Variants in DLGAP2 observed in about 807,000 individuals in gnomAD.
DLGAP2 encodes the protein disks large-associated protein 2.
In DLGAP2, 26 loss-of-function variants were observed where a neutral mutation model predicts 100.3. The observed-to-expected ratio is 0.26, with a 90% CI of 0.19 to 0.36. The LOEUF (loss-of-function observed/expected upper bound fraction) is 0.36, where lower values mean the gene tolerates loss of function less well. Ranked by LOEUF, DLGAP2 falls within the 10% of genes least tolerant of loss-of-function variation. The pLI, the probability that DLGAP2 is intolerant of heterozygous loss-of-function variation, is 1.00. For missense variants in DLGAP2, 1,858 were observed against 1,453.2 expected (o/e 1.28, Z -4.53); for synonymous variants, 886 against 630.1 (o/e 1.41, Z -6.08).
intron 6 of DLGAP2, among the ~76,000 whole-genome samples, chr8:1,608,885 C>G (rs1255258805): frequency 1.3e-5 from 2 of 151,558 alleles, no homozygotes; most frequent in African/African-American, 4.8e-5. Context: ...AAATATGGGA[C>G]TATGTGAAAA....
intron 3 of DLGAP2, among the ~76,000 whole-genome samples, chr8:1,427,868 A>C (rs1278813075): frequency 1.3e-5 from 2 of 152,174 alleles, no homozygotes; most frequent in African/African-American, 4.8e-5. Context: ...AAAATTGACC[A>C]ATACAGTACT....
intron 4 of DLGAP2, among the ~76,000 whole-genome samples, chr8:1,539,301 G>T (rs1449516619): frequency 6.6e-6 from 1 of 152,208 alleles, no homozygotes; most frequent in Non-Finnish European, 1.5e-5. Flanking sequence ...TTGGCCGGAT[G>T]CCTTCCACAT....
At chr8:1,590,824 C>T (rs532081290) in intron 6 of DLGAP2, among the ~76,000 whole-genome samples, 1 of 152,310 alleles carries the variant, frequency 6.6e-6, no homozygotes, top group Admixed American at 6.5e-5. Context: ...GAGCAGACAG[C>T]CCCTTGCATC....
intron 4 of DLGAP2, among the ~76,000 whole-genome samples, chr8:1,539,260 G>C (rs1300570164): frequency 2.0e-5 from 3 of 152,306 alleles, no homozygotes; most frequent in East Asian, 3.9e-4. Context: ...AGCTCAGGCA[G>C]CACATATTCT....
intron 3 of DLGAP2, among the ~76,000 whole-genome samples, chr8:1,476,473 C>T (rs1331444248): frequency 3.9e-5 from 6 of 152,138 alleles, no homozygotes; most frequent in Non-Finnish European, 5.9e-5. Flanking sequence ...CTGAGCGCAG[C>T]GTGGGTATTT....
intron 1 of DLGAP2, among the ~76,000 whole-genome samples, chr8:859,142 C>T (rs796065794): frequency 1.4e-3 from 215 of 149,414 alleles, no homozygotes; most frequent in African/African-American, 5.1e-3. Flanking sequence ...GATGGAGTCT[C>T]GCTCTATTGC....
At chr8:1,463,110 G>A (rs181345400) in intron 3 of DLGAP2, among the ~76,000 whole-genome samples, 10 of 152,238 alleles carry the variant, frequency 6.6e-5, no homozygotes, top group East Asian at 3.9e-4. Context: ...TTAGCCTGGC[G>A]TGGTGGTGTG....
intron 1 of DLGAP2, among the ~76,000 whole-genome samples, chr8:901,759 G>A (rs920338728): frequency 6.6e-6 from 1 of 152,236 alleles, no homozygotes; most frequent in Non-Finnish European, 1.5e-5. Flanking sequence ...CTGTGGCAGC[G>A]TCGTTCTCCT....
intron 6 of DLGAP2, among the ~76,000 whole-genome samples, chr8:1,568,444 C>T (rs1278477874): frequency 2.1e-4 from 31 of 146,088 alleles, no homozygotes; most frequent in Admixed American, 1.4e-3. Flanking sequence ...CCACTCTGCC[C>T]GTGGCCCCCG....
chr8:1,344,430 G>A (rs571854558), intron 3 of DLGAP2, among the ~76,000 whole-genome samples: 1 of 152,172 alleles, frequency 6.6e-6, no homozygotes, highest in African/African-American at 2.4e-5. Context: ...TCCAGATTAG[G>A]TGGCCATGTG....
At chr8:883,411 G>C (rs1301678442) in intron 1 of DLGAP2, 2 of 151,830 alleles carry the variant, frequency 1.3e-5, no homozygotes, top group African/African-American at 2.4e-5. Flanking sequence ...TGATTCCCTG[G>C]TCACATAGAA....
At chr8:1,115,168 G>T (rs1563199681) in intron 2 of DLGAP2, among the ~76,000 whole-genome samples, 1 of 152,222 alleles carries the variant, frequency 6.6e-6, no homozygotes, top group African/African-American at 2.4e-5. Flanking sequence ...GCATTCTGTT[G>T]TTTTGGGGTA....
chr8:1,196,808 G>A (rs936404035), intron 2 of DLGAP2, among the ~76,000 whole-genome samples: 2 of 152,112 alleles, frequency 1.3e-5, no homozygotes, highest in African/African-American at 2.4e-5. Flanking sequence ...AGCCAGGGGC[G>A]GTAACTGCTC....
chr8:1,689,832 A>T (rs1396818682), intron 12 of DLGAP2, among the ~76,000 whole-genome samples: 1 of 152,198 alleles, frequency 6.6e-6, no homozygotes, highest in African/African-American at 2.4e-5. Flanking sequence ...CCCTGGCCCC[A>T]CGTGCTGACC....
intron 2 of DLGAP2, among the ~76,000 whole-genome samples, chr8:1,243,156 G>A (rs1327713567): frequency 1.3e-5 from 2 of 152,146 alleles, no homozygotes; most frequent in Admixed American, 6.5e-5. Flanking sequence ...GGAAAGGCAG[G>A]GCGTGCTCAT....
At chr8:1,079,363 T>G (rs1394730467) in intron 2 of DLGAP2, among the ~76,000 whole-genome samples, 1 of 152,232 alleles carries the variant, frequency 6.6e-6, no homozygotes, top group Admixed American at 6.5e-5. Context: ...TCTATTTTAA[T>G]AGGAGTGTGT....
chr8:1,608,948 C>T (rs1796910451), intron 6 of DLGAP2, among the ~76,000 whole-genome samples: 1 of 151,934 alleles, frequency 6.6e-6, no homozygotes, highest in Admixed American at 6.6e-5. Context: ...CGAATGGAAC[C>T]AAGTTGGAAA....
intron 6 of DLGAP2, among the ~76,000 whole-genome samples, chr8:1,577,518 A>G (rs984407282): frequency 2.7e-5 from 4 of 147,554 alleles, no homozygotes; most frequent in Admixed American, 1.4e-4. Context: ...CAGTGAGCCA[A>G]GATCGTGCCA....
chr8:977,205 C>G (rs1800187964), intron 2 of DLGAP2, among the ~76,000 whole-genome samples: 1 of 152,222 alleles, frequency 6.6e-6, no homozygotes, highest in East Asian at 1.9e-4. Flanking sequence ...ACCAGCCCTA[C>G]AGTGGGCAGA....
Sources: gnomAD v4.1 joint callset for allele counts (sites outside exome capture counted in the v4.1 genomes callset) on GRCh38, gnomAD v4.1.1 for gene constraint, MANE v1.5 for transcripts, NCBI Gene and HGNC (gene_info 2026-07-23, HGNC 2026-07-21) for gene names.